Variants in NCAM1 observed in about 807,000 individuals in gnomAD.
NCAM1 encodes neural cell adhesion molecule 1.
Under a neutral mutation model 109.8 loss-of-function variants are expected in NCAM1, and 14 were observed. The observed-to-expected ratio is 0.13, with a 90% CI of 0.08 to 0.20. NCAM1 has a LOEUF of 0.20. NCAM1 is among the 10% of genes least tolerant of loss of function. NCAM1 has a pLI of 1.00. For synonymous variants in NCAM1, 418 were observed against 442.9 expected, an observed-to-expected ratio of 0.94 and a Z score of 0.70; for missense variants, 774 against 1,109.9, an observed-to-expected ratio of 0.70 and a Z score of 4.30.
chr11:113,041,498 T>A (rs1953070157), intron 1 of NCAM1, among the ~76,000 whole-genome samples: 1 of 151,832 alleles, frequency 6.6e-6, no homozygotes, highest in Non-Finnish European at 1.5e-5. Flanking sequence ...GCCAGGAGAG[T>A]AACTATATAA....
intron 1 of NCAM1, among the ~76,000 whole-genome samples, chr11:113,157,807 A>T (rs1234052085): frequency 1.3e-5 from 2 of 152,178 alleles, no homozygotes; most frequent in Non-Finnish European, 2.9e-5. Flanking sequence ...TTATTTTAAT[A>T]TCTGCCTTAA....
At chr11:113,204,071 A>ACTC (rs1555112388) in intron 2 of NCAM1, among the ~76,000 whole-genome samples, 4 of 152,180 alleles carry the variant, frequency 2.6e-5, no homozygotes, top group Non-Finnish European at 1.5e-5. Context: ...AGTTCTTTCC[A>ACTC]AATATTGTAA....
chr11:112,980,640 G>A (rs533701759), intron 1 of NCAM1, among the ~76,000 whole-genome samples: 9 of 151,648 alleles, frequency 5.9e-5, no homozygotes, highest in Admixed American at 3.9e-4. Flanking sequence ...TAGTTTTGAG[G>A]GTACAGGTGG....
intron 1 of NCAM1, among the ~76,000 whole-genome samples, chr11:113,102,423 G>T (rs1555091700): frequency 6.6e-6 from 1 of 152,210 alleles, no homozygotes; most frequent in African/African-American, 2.4e-5. Context: ...TGCAGACAGT[G>T]AGGTGAGGGT....
intron 1 of NCAM1, among the ~76,000 whole-genome samples, chr11:113,078,238 T>C (rs1166319062): frequency 6.6e-6 from 1 of 152,126 alleles, no homozygotes; most frequent in East Asian, 1.9e-4. Context: ...ACAACTCCAG[T>C]CTCTGCCTCT....
intron 1 of NCAM1, among the ~76,000 whole-genome samples, chr11:113,010,325 A>G (rs1002947509): frequency 5.3e-5 from 8 of 152,240 alleles, no homozygotes; most frequent in African/African-American, 9.6e-5. Context: ...GTATTTCCTC[A>G]GAAATATTCT....
chr11:113,171,689 T>A (rs542326616), intron 1 of NCAM1, among the ~76,000 whole-genome samples: 186 of 152,146 alleles, frequency 1.2e-3, no homozygotes, highest in Non-Finnish European at 2.2e-3. Flanking sequence ...GATAACTTAT[T>A]GCCCTCTTGA....
At chr11:113,226,575 T>C (rs557050092) in intron 9 of NCAM1, among the ~76,000 whole-genome samples, 39 of 152,276 alleles carry the variant, frequency 2.6e-4, no homozygotes, top group African/African-American at 9.4e-4. Context: ...CTGCACCAAG[T>C]GGAGCTAATA....
intron 1 of NCAM1, among the ~76,000 whole-genome samples, chr11:112,972,447 A>G (rs1950908707): frequency 6.6e-6 from 1 of 152,170 alleles, no homozygotes; most frequent in Non-Finnish European, 1.5e-5. Context: ...GAAGAGAACC[A>G]GAGCTTAGTG....
chr11:113,051,677 G>A (rs1953497826), intron 1 of NCAM1, among the ~76,000 whole-genome samples: 1 of 151,952 alleles, frequency 6.6e-6, no homozygotes. Context: ...ATTTCTCTGT[G>A]TCATCATATA....
At chr11:113,263,129 G>C (rs1555123723) in intron 17 of NCAM1, 2 of 1,260,324 alleles carry the variant, frequency 1.6e-6, no homozygotes. Flanking sequence ...CACTTCATAA[G>C]GAGTTTGCCC....
intron 1 of NCAM1, among the ~76,000 whole-genome samples, chr11:113,157,312 G>A (rs1942449506): frequency 6.6e-6 from 1 of 152,164 alleles, no homozygotes; most frequent in Non-Finnish European, 1.5e-5. Flanking sequence ...GAACTTCACT[G>A]TTGAGCAGAT....
intron 1 of NCAM1, among the ~76,000 whole-genome samples, chr11:113,095,991 G>A (rs1347143197): frequency 6.6e-6 from 1 of 152,110 alleles, no homozygotes; most frequent in Non-Finnish European, 1.5e-5. Context: ...TAAACATTTA[G>A]TGTTTTTATT....
intron 1 of NCAM1, among the ~76,000 whole-genome samples, chr11:113,188,485 A>G (rs1229220037): frequency 6.6e-6 from 1 of 152,212 alleles, no homozygotes; most frequent in Admixed American, 6.5e-5. Flanking sequence ...AAGAGAACTG[A>G]AACTTGAATC....
At chr11:112,968,145 A>T (rs720023) in intron 1 of NCAM1, among the ~76,000 whole-genome samples, 72,027 of 152,022 alleles carry the variant, frequency 0.47, 17,902 homozygotes, top group East Asian at 0.8. Context: ...TAGAGGTTGT[A>T]TGTGTAGTGC....
At chr11:112,976,353 A>G (rs782594217) in intron 1 of NCAM1, among the ~76,000 whole-genome samples, 2 of 151,926 alleles carry the variant, frequency 1.3e-5, no homozygotes, top group African/African-American at 2.4e-5. Flanking sequence ...TTATTTATTT[A>G]TAGACTGGAA....
chr11:113,216,105 T>A (rs1214580154), intron 8 of NCAM1, among the ~76,000 whole-genome samples: 1 of 152,144 alleles, frequency 6.6e-6, no homozygotes. Flanking sequence ...CTACTGAGGT[T>A]CTTTAATAGG....
At chr11:113,268,671 C>T (rs180995848) in intron 17 of NCAM1, among the ~76,000 whole-genome samples, 1 of 152,298 alleles carries the variant, frequency 6.6e-6, no homozygotes, top group Non-Finnish European at 1.5e-5. Flanking sequence ...ACAGAGCCAT[C>T]AATACCACCA....
At chr11:113,207,794 G>T (rs368192935) in intron 6 of NCAM1, 39 bp from the exon 7 acceptor site, 2 of 1,565,676 alleles carry the variant, frequency 1.3e-6, no homozygotes, top group African/African-American at 2.7e-5. Flanking sequence ...TTATTTCTGT[G>T]GTCGAAATCA....
Sources: allele counts gnomAD v4.1 joint callset (sites outside exome capture counted in the v4.1 genomes callset), GRCh38; gene constraint gnomAD v4.1.1; transcripts MANE v1.5; gene names NCBI Gene and HGNC (gene_info 2026-07-23, HGNC 2026-07-21).